Variants in CROCC2 observed in about 807,000 individuals in gnomAD.
CROCC2 encodes the protein ciliary rootlet coiled-coil protein 2.
In CROCC2, 163 loss-of-function variants were observed where a neutral mutation model predicts 177.6. The ratio of observed to expected loss-of-function variants is 0.92; its 90% CI spans 0.81 to 1.05. The LOEUF (loss-of-function observed/expected upper bound fraction) is 1.05, where lower values mean the gene tolerates loss of function less well. Ranked by LOEUF, CROCC2 falls within the 50% of genes least tolerant of loss-of-function variation. The pLI is 0.00. For missense variants in CROCC2, 1,929 were observed against 1,797.8 expected (o/e 1.07, Z -1.32); for synonymous variants, 904 against 787.3 (o/e 1.15, Z -2.48).
At position 240,960,504 on chromosome 2, in the gene CROCC2, C is replaced by T. The variant is rs1194122311; in HGVS notation, c.3087+1060C>T. The stretch of plus-strand genomic sequence containing the variant: ...GCATTTCTGAGGGGGGTTGGCAGGA[C>T]GGGGGGACGCCTGTGTGTGGCAAGG... On this transcript the variant is annotated intron_variant, in intron 20 of 31. Coordinates refer to ENST00000690015, the MANE Select transcript of CROCC2 (RefSeq NM_001351305.2). This position sits in a 1 kb window ranked among gnomAD's most constrained non-coding sequence, Gnocchi z 5.0. 7.0e-6 allele frequency among the ~76,000 whole-genome samples: 1 copy of T among 142,178 alleles called. No individual in the cohort carries two copies. Among genetic ancestry groups the T allele is most frequent in the Non-Finnish European group, 1.5e-5 (1 of 64,908 alleles). The allele number at this position is 142,178 out of a possible 152,430, so 93.3% of individuals were successfully genotyped here.
chr2:240,989,950 C>A, intron 30 of CROCC2, 117 bp downstream of exon 30: 1 of 985,960 alleles, frequency 1.0e-6, no homozygotes, highest in Non-Finnish European at 1.5e-6. Flanking sequence ...AGGGGCTCTC[C>A]ACTGCCACCC....
intron 27 of CROCC2, among the ~76,000 whole-genome samples, chr2:240,981,197 G>T (rs2059796557): frequency 6.7e-6 from 1 of 149,412 alleles, no homozygotes; most frequent in African/African-American, 2.5e-5. Flanking sequence ...TCAGTCTCTG[G>T]GGTAGGAGCC....
At chr2:240,967,182 C>T (rs555144772) in intron 25 of CROCC2, 163 bp from the exon 26 acceptor site, 85 of 396,134 alleles carry the variant, frequency 2.1e-4, no homozygotes, top group East Asian at 1.1e-3. Flanking sequence ...TCACCTTCCC[C>T]GCACCTTCCC....
rs1406622271 is a variant in CROCC2, at chr2:240,918,847, C to T, written c.200C>T (p.Ala67Val). ...CCCACCCGCATCCGTGAGATCGTGG[C>T]CGGCAGCCTGAGTGAGGAGCCACCC... Reference protein sequence around the residue: ...PVPTRIREIVAGSLSEEPPQA... With the variant: ...PVPTRIREIVVGSLSEEPPQA... The change falls in exon 2 of 32, where the codon GCC (alanine) becomes GTC (valine). Residue 67 changes from alanine (A) to valine (V), a missense_variant. Ala to Val is a moderately conservative substitution (Grantham distance 64). Transcript: ENST00000690015. This position sits in a 1 kb window ranked among gnomAD's most constrained non-coding sequence, Gnocchi z 6.3. 4.5e-6 allele frequency: 3 copies of T among 659,918 alleles called. No individual in the cohort carries two copies. Among genetic ancestry groups the T allele is most frequent in the African/African-American group, 3.7e-5 (2 of 54,080 alleles). 40.9% of individuals were successfully genotyped at this position (659,918 alleles called of 1,614,324 possible). A position where few individuals can be genotyped will look rare whatever the true frequency, so the allele number is the denominator to read the frequency against.
At chr2:240,934,154 C>G (rs1372874990) in intron 11 of CROCC2, among the ~76,000 whole-genome samples, 177 bp from the exon 12 acceptor site, 2 of 152,152 alleles carry the variant, frequency 1.3e-5, no homozygotes, top group Non-Finnish European at 2.9e-5. Context: ...TCCCCTGCCC[C>G]GGAAATGAAG....
In CROCC2 at chr2:240,934,589, T is replaced by A. The variant is rs2059455406; in HGVS notation, c.1791+114T>A. On this transcript the variant is annotated intron_variant, in intron 12 of 31. Transcript: ENST00000690015. ...CCTGCCTGCCGGGCCCCTCAGCCCA[T>A]CACCAGAGATCCCAAAGTCACCAAA... 3 of 1,080,102 alleles carry A rather than the reference T, an allele frequency of 2.8e-6. No individual in the cohort carries two copies. The South Asian group carries it at 4.9e-5, about 18-fold the overall frequency. The allele number at this position is 1,080,102 out of a possible 1,614,324, so 66.9% of individuals were successfully genotyped here.
At chr2:240,980,156 T>G (rs371117969) in intron 27 of CROCC2, among the ~76,000 whole-genome samples, 12 of 42,594 alleles carry the variant, frequency 2.8e-4, no homozygotes, top group Admixed American at 7.0e-4. Flanking sequence ...CCCTGCTCAG[T>G]CTCTGGGGTA....
In CROCC2 at chr2:240,918,090, A is replaced by T. The variant is rs542605708; in HGVS notation, c.79-636A>T. 6.6e-6 allele frequency among the ~76,000 whole-genome samples: 1 copy of T among 152,278 alleles called. No individual in the cohort carries two copies. Among genetic ancestry groups the T allele is most frequent in the South Asian group, 2.1e-4 (1 of 4,818 alleles). ...GGCCTTCCTGCCCACTTCTGGGCCT[A>T]TTGGAGCCTCTTCCCTGGCAGTCGG... On this transcript the variant is annotated intron_variant, in intron 1 of 31. Coordinates refer to ENST00000690015, the MANE Select transcript of CROCC2 (RefSeq NM_001351305.2). The surrounding 1 kb of genome is among the most constrained non-coding windows in gnomAD (Gnocchi z 6.3).
At chr2:240,933,515 C>T (rs2059447823) in intron 10 of CROCC2, among the ~76,000 whole-genome samples, 155 bp from the exon 11 acceptor site, 1 of 152,162 alleles carries the variant, frequency 6.6e-6, no homozygotes, top group Admixed American at 6.5e-5. Flanking sequence ...CAGGGTGGGA[C>T]ACACCCGCCA....
chr2:240,935,264 A>C, intron 13 of CROCC2, 94 bp from the exon 14 acceptor site: 1 of 1,246,068 alleles, frequency 8.0e-7, no homozygotes, highest in Non-Finnish European at 1.0e-6. Context: ...TGAGGGAGGG[A>C]AGACAGTGCC....
In CROCC2 at chr2:240,958,239, T is replaced by C; in HGVS notation, c.2944-1062T>C. On this transcript the variant is annotated intron_variant, in intron 19 of 31. Coordinates refer to ENST00000690015, the MANE Select transcript of CROCC2 (RefSeq NM_001351305.2). This position sits in a 1 kb window ranked among gnomAD's most constrained non-coding sequence, Gnocchi z 6.7. ...CATCGGGCTCCCAGCCGATGCCCTG[T>C]CCCTGAGGCCCTCACAGGGGTATCC... The C allele has an allele frequency of 1.0e-6, 1 of 965,652 alleles. No individual in the cohort carries two copies. Among genetic ancestry groups the C allele is most frequent in the Non-Finnish European group, 1.2e-6 (1 of 811,874 alleles). 59.8% of individuals were successfully genotyped at this position (965,652 alleles called of 1,614,324 possible). A position where few individuals can be genotyped will look rare whatever the true frequency, so the allele number is the denominator to read the frequency against.
Position 240,963,689 on chromosome 2 carries a change from A to T in CROCC2, c.3221A>T (p.Asp1074Val). 1.9e-6 allele frequency: 3 copies of T among 1,550,218 alleles called. No homozygotes were observed. Among genetic ancestry groups the T allele is most frequent in the Non-Finnish European group, 2.6e-6 (3 of 1,146,808 alleles). Residue 1074 changes from aspartate (D) to valine (V), a missense_variant, in exon 21 of 32, where the codon GAC becomes GTC. Around this residue, in one of 3 missense-constraint regions of CROCC2, gnomAD observed 1,397 missense variants for 1,239.9 expected, o/e 1.13. Transcript: ENST00000690015. Reference protein sequence around the residue: ...EAQEARRALSDEAREKDVLLL... With the variant: ...EAQEARRALSVEAREKDVLLL... ...CAGGAGGCCCGCCGGGCGCTGAGTG[A>T]CGAGGCCCGCGAGAAGGACGTACTG...
chr2:240,922,367 G>A (rs2059362038), intron 3 of CROCC2, among the ~76,000 whole-genome samples, 172 bp from the exon 4 acceptor site: 1 of 152,216 alleles, frequency 6.6e-6, no homozygotes, highest in African/African-American at 2.4e-5. Context: ...CACCTGTCGG[G>A]TTCATTGTGT....
chr2:240,984,414 C>CT (rs1377099687), intron 28 of CROCC2, among the ~76,000 whole-genome samples: 7 of 151,972 alleles, frequency 4.6e-5, no homozygotes, highest in African/African-American at 1.7e-4. Flanking sequence ...GCAGGCAGAG[C>CT]TTCTGGGAGC....
Position 240,967,255 on chromosome 2 carries a change from G to A in CROCC2, c.4147-90G>A, listed in dbSNP as rs540988490. ...CACACCTGCAGGCCAGACCGTGAGC[G>A]GCCCCAGCTGGCCCCGACCCTCTAG... On this transcript the variant is annotated intron_variant, in intron 25 of 31. Coordinates refer to ENST00000690015, the MANE Select transcript of CROCC2 (RefSeq NM_001351305.2). The A allele has an allele frequency of 1.2e-4, 61 of 524,900 alleles. No individual in the cohort carries two copies. The South Asian group carries it at 1.5e-3, about 13-fold the overall frequency. 32.5% of individuals were successfully genotyped at this position (524,900 alleles called of 1,614,324 possible).
chr2:240,965,672 G>A lies in CROCC2; in HGVS notation c.3640G>A (p.Ala1214Thr). The change falls in exon 24 of 32, where the codon GCC (alanine) becomes ACC (threonine). Residue 1214 changes from alanine (A) to threonine (T), a missense_variant. Physicochemically the swap from Ala to Thr is moderately conservative, Grantham distance 58. Around this residue, in one of 3 missense-constraint regions of CROCC2, gnomAD observed 144 missense variants for 205.2 expected, o/e 0.70. Transcript: ENST00000690015. ...GCAGAGGAAGTTGGCAGAGGTGGAGGCCGCAGGGGAGGCCCATGGACAGCG... is the reference window on the plus strand; with the variant it reads ...GCAGAGGAAGTTGGCAGAGGTGGAGACCGCAGGGGAGGCCCATGGACAGCG... ...GLQRKLAEVE[A>T]AGEAHGQRLQ... The A allele has an allele frequency of 6.4e-7, 1 of 1,550,546 alleles. No individual in the cohort carries two copies. The highest frequency in any genetic ancestry group is 8.7e-7 in the Non-Finnish European group (1 of 1,146,910).
rs760916046 is a variant in CROCC2 at position 240,953,752 on chromosome 2, T to A, written c.2830-2107T>A. ...GTCTTTGGGGATCTTATTTCTGTAA[T>A]GAAGAAGAGGAATTATATGTGGAGC... On this transcript the variant is annotated intron_variant, in intron 18 of 31. Coordinates refer to ENST00000690015, the MANE Select transcript of CROCC2 (RefSeq NM_001351305.2). This position sits in a 1 kb window ranked among gnomAD's most constrained non-coding sequence, Gnocchi z 4.0. Among the ~76,000 whole-genome samples, 31 of 152,044 alleles carry A rather than the reference T, an allele frequency of 2.0e-4. No homozygotes were observed. Among genetic ancestry groups the A allele is most frequent in the Admixed American group, 3.3e-4 (5 of 15,272 alleles).
chr2:240,962,307 G>A (rs1462409767), intron 20 of CROCC2, among the ~76,000 whole-genome samples: 1 of 151,894 alleles, frequency 6.6e-6, no homozygotes, highest in Non-Finnish European at 1.5e-5. Flanking sequence ...GGTGGGGGCG[G>A]GAGTGGGGGC....
At chr2:240,990,288 G>T (rs948379783) in intron 30 of CROCC2, among the ~76,000 whole-genome samples, 2 of 152,246 alleles carry the variant, frequency 1.3e-5, no homozygotes, top group South Asian at 4.1e-4. Context: ...GCACAGTGAG[G>T]TGGATAAGGA....
Sources: gnomAD v4.1 joint callset for allele counts (sites outside exome capture counted in the v4.1 genomes callset) on GRCh38, gnomAD v4.1.1 for gene constraint, gnomAD v4.1.1 regional missense constraint, Gnocchi (gnomAD v3.1) non-coding constraint, MANE v1.5 for transcripts, NCBI Gene and HGNC (gene_info 2026-07-23, HGNC 2026-07-21) for gene names.